Variants in FKBP1B observed in about 807,000 individuals in gnomAD.
FKBP1B encodes FKBP prolyl isomerase 1B.
In FKBP1B, 4 loss-of-function variants were observed where a neutral mutation model predicts 13.5. The ratio of observed to expected loss-of-function variants is 0.30; its 90% confidence interval spans 0.15 to 0.68. The LOEUF is 0.68. FKBP1B is among the 30% of genes least tolerant of loss of function. FKBP1B has a pLI of 0.76. For missense variants in FKBP1B, 93 were observed against 136.2 expected (o/e 0.68, Z 1.58); for synonymous variants, 54 against 53.6 (o/e 1.01, Z -0.03).
chr2:24,053,032 C>T (rs1663950935), intron 1 of FKBP1B, among the ~76,000 whole-genome samples: 1 of 151,896 alleles, frequency 6.6e-6, no homozygotes, highest in African/African-American at 2.4e-5. Flanking sequence ...GTAGTGTTCA[C>T]TGCTGTATCC....
At chr2:24,036,861 C>T in the FKBP1B span, among the ~76,000 whole-genome samples, 1 of 152,260 alleles carries the variant, frequency 6.6e-6, no homozygotes, top group African/African-American at 2.4e-5. Flanking sequence ...CGAAAGGATC[C>T]ATGTTAAGCT....
intron 1 of FKBP1B, 37 bp downstream of exon 1, chr2:24,049,923 G>A (rs933304640): frequency 1.7e-5 from 24 of 1,377,590 alleles, no homozygotes; most frequent in Middle Eastern, 2.6e-4. Context: ...GAGGGGAGGG[G>A]TCCCGGGGCG....
At chr2:24,059,374 G>GT (rs1553320925) in intron 2 of FKBP1B, among the ~76,000 whole-genome samples, 6 of 146,036 alleles carry the variant, frequency 4.1e-5, no homozygotes, top group South Asian at 2.1e-4. Context: ...CCAGCACCTG[G>GT]GGGGGGGTTC....
intron 1 of FKBP1B, 121 bp from the exon 2 acceptor site, chr2:24,053,781 A>G: frequency 1.1e-6 from 1 of 927,848 alleles, no homozygotes; most frequent in Non-Finnish European, 1.8e-6. Context: ...AACTAGGGCC[A>G]CAGGCATCTC....
intron 2 of FKBP1B, among the ~76,000 whole-genome samples, chr2:24,056,462 A>T (rs1664133840): frequency 6.9e-6 from 1 of 145,826 alleles, no homozygotes; most frequent in African/African-American, 2.6e-5. Flanking sequence ...TTGTGCCTCA[A>T]CCTCCCAAGT....
chr2:24,045,908 C>T (rs1663609272), upstream of FKBP1B: 1 of 151,936 alleles, frequency 6.6e-6, no homozygotes, highest in African/African-American at 2.4e-5. Context: ...ACAGGGATGA[C>T]TTGCAAATTT....
At chr2:24,037,395 AT>A in the FKBP1B span, among the ~76,000 whole-genome samples, 1 of 152,042 alleles carries the variant, frequency 6.6e-6, no homozygotes, top group African/African-American at 2.4e-5. Flanking sequence ...AAATAACATG[AT>A]TTTTTTTCTA....
the FKBP1B span, chr2:24,038,982 C>G: frequency 1.2e-6 from 2 of 1,614,170 alleles, no homozygotes; most frequent in Non-Finnish European, 1.7e-6. Flanking sequence ...CTGCCACCAC[C>G]AGCCTCAGGC....
At chr2:24,054,666 G>A (rs1664038498) in intron 2 of FKBP1B, 1 of 160,846 alleles carries the variant, frequency 6.2e-6, no homozygotes, top group African/African-American at 2.4e-5. Context: ...CAGTTCTGTG[G>A]GCCAGTGTGA....
intron 2 of FKBP1B, among the ~76,000 whole-genome samples, chr2:24,058,194 C>A (rs1225991734): frequency 2.7e-5 from 4 of 148,672 alleles, no homozygotes; most frequent in African/African-American, 9.9e-5. Flanking sequence ...AGATGAGACT[C>A]TGTCTCAGGA....
At chr2:24,045,101 T>C (rs187407797), upstream of FKBP1B, among the ~76,000 whole-genome samples, 5 of 152,212 alleles carry the variant, frequency 3.3e-5, no homozygotes, top group Admixed American at 2.6e-4. Flanking sequence ...GTAATTTGAA[T>C]GCCACAAAGT....
chr2:24,043,262 G>A, the FKBP1B span, among the ~76,000 whole-genome samples: 1 of 152,178 alleles, frequency 6.6e-6, no homozygotes, highest in Non-Finnish European at 1.5e-5. Context: ...CTTGAACCTG[G>A]GAGGCAGATG....
intron 2 of FKBP1B, among the ~76,000 whole-genome samples, chr2:24,059,372 T>TGGGGGG (rs71395181): frequency 4.8e-5 from 7 of 144,486 alleles, no homozygotes; most frequent in Admixed American, 1.4e-4. Flanking sequence ...GACCAGCACC[T>TGGGGGG]GGGGGGGGGT....
At chr2:24,055,082 T>A (rs1244449748) in intron 2 of FKBP1B, among the ~76,000 whole-genome samples, 2 of 152,112 alleles carry the variant, frequency 1.3e-5, no homozygotes, top group Non-Finnish European at 2.9e-5. Flanking sequence ...TTTATGTGAC[T>A]ACCACCTAGA....
chr2:24,043,446 G>T, the FKBP1B span, among the ~76,000 whole-genome samples: 1 of 151,982 alleles, frequency 6.6e-6, no homozygotes. Flanking sequence ...TGGAGTTCGA[G>T]ACCAGAGATC....
At chr2:24,040,875 G>C in the FKBP1B span, among the ~76,000 whole-genome samples, 1 of 152,094 alleles carries the variant, frequency 6.6e-6, no homozygotes, top group Admixed American at 6.6e-5. Flanking sequence ...AATTAGCCAA[G>C]TGTGGTGGTG....
chr2:24,043,234 G>A, the FKBP1B span, among the ~76,000 whole-genome samples: 2 of 152,288 alleles, frequency 1.3e-5, no homozygotes, highest in East Asian at 3.9e-4. Flanking sequence ...TACTTGGGAG[G>A]CTGAGACACG....
chr2:24,034,096 A>T, the FKBP1B span, among the ~76,000 whole-genome samples: 4 of 152,230 alleles, frequency 2.6e-5, no homozygotes, highest in African/African-American at 9.6e-5. Flanking sequence ...TACTTTTCTC[A>T]TTACAAAAGG....
the FKBP1B span, chr2:24,037,865 GA>G: frequency 6.2e-7 from 1 of 1,614,104 alleles, no homozygotes. Context: ...TTCTTTCTTT[GA>G]GGCAAACGAG....
Sources: allele counts gnomAD v4.1 joint callset (sites outside exome capture counted in the v4.1 genomes callset), GRCh38; gene constraint gnomAD v4.1.1; transcripts MANE v1.5; gene names NCBI Gene and HGNC (gene_info 2026-07-23, HGNC 2026-07-21).